The following BBS7 variants were observed in gnomAD, a reference collection of about 807,000 sequenced individuals.
BBS7 encodes Bardet-Biedl syndrome 7.
BBS7 carries 50 observed loss-of-function variants against 90.3 expected under a neutral mutation model. The ratio of observed to expected loss-of-function variants is 0.55; its 90% CI spans 0.44 to 0.70. The LOEUF (loss-of-function observed/expected upper bound fraction) is 0.70. Ranked by LOEUF, BBS7 falls within the 30% of genes least tolerant of loss-of-function variation. The pLI is 0.00. For synonymous variants in BBS7, 235 were observed against 287.4 expected (o/e 0.82, Z 1.85); for missense variants, 729 against 838.9 (o/e 0.87, Z 1.62).
chr4:121,840,026 A>T (rs1415114183), intron 12 of BBS7, among the ~76,000 whole-genome samples: 1 of 152,228 alleles, frequency 6.6e-6, no homozygotes, highest in Admixed American at 6.5e-5. Context: ...TTCTTCTAAA[A>T]ATCTGACAAT....
intron 12 of BBS7, among the ~76,000 whole-genome samples, chr4:121,840,282 C>T (rs564102104): frequency 1.3e-5 from 2 of 152,172 alleles, no homozygotes; most frequent in East Asian, 1.9e-4. Flanking sequence ...TTTCACCTTC[C>T]GCCATGATTG....
intron 5 of BBS7, 53 bp downstream of exon 5, chr4:121,858,939 T>C (rs1466672507): frequency 9.9e-6 from 15 of 1,518,364 alleles, no homozygotes; most frequent in African/African-American, 2.8e-5. Flanking sequence ...ATAATGTTCA[T>C]TGATATTCTT....
At chr4:121,858,524 C>T in intron 5 of BBS7, 1 of 156,246 alleles carries the variant, frequency 6.4e-6, no homozygotes, top group South Asian at 1.9e-4. Context: ...ATGAATTTTC[C>T]CTCTATCACT....
At chr4:121,861,435 G>T in intron 4 of BBS7, 69 bp downstream of exon 4, 1 of 1,395,898 alleles carries the variant, frequency 7.2e-7, no homozygotes, top group Non-Finnish European at 1.0e-6. Flanking sequence ...ATGATACTTA[G>T]TTGCCTCACA....
rs1177127256 is a variant in BBS7 at position 121,832,080 on chromosome 4, C to T, written c.1676+1151G>A. Among the ~76,000 whole-genome samples the T allele has an allele frequency of 4.0e-5, 6 of 151,534 alleles. No individual in the cohort carries two copies. In the South Asian group the frequency reaches 1.2e-3, roughly 32 times the overall value. On this transcript the variant is annotated intron_variant, in intron 15 of 18. Transcript: ENST00000264499. Reference sequence around the variant, plus strand: ...CCTACAGGCCAGGTGTGGTGGCTCACGCCTATAATCCCAGCACTTTAGGAG... The same window carrying T: ...CCTACAGGCCAGGTGTGGTGGCTCATGCCTATAATCCCAGCACTTTAGGAG...
At chr4:121,847,289 CTAAT>C (rs1213853636) in intron 10 of BBS7, 111 bp downstream of exon 10, 125 of 699,472 alleles carry the variant, frequency 1.8e-4, no homozygotes, top group Non-Finnish European at 2.7e-4. Context: ...AGGTGATAAA[CTAAT>C]TAATTACATA....
chr4:121,826,080 A>G, intron 18 of BBS7, 87 bp from the exon 19 acceptor site: 2 of 1,105,324 alleles, frequency 1.8e-6, no homozygotes, highest in Non-Finnish European at 2.6e-6. Flanking sequence ...TTGATAATCT[A>G]TTTTTAAGCA....
intron 13 of BBS7, among the ~76,000 whole-genome samples, chr4:121,838,447 G>A (rs1725569321): frequency 1.3e-5 from 2 of 151,084 alleles, no homozygotes; most frequent in Non-Finnish European, 2.9e-5. Flanking sequence ...TAGATAATAG[G>A]TCTATCAAAA....
At chr4:121,832,741 CT>C (rs1725261167) in intron 15 of BBS7, among the ~76,000 whole-genome samples, 1 of 152,164 alleles carries the variant, frequency 6.6e-6, no homozygotes, top group Non-Finnish European at 1.5e-5. Flanking sequence ...AGAAATTCAA[CT>C]GGAGTTTTTA....
At chr4:121,854,910 T>A in intron 6 of BBS7, 90 bp from the exon 7 acceptor site, 2 of 1,253,640 alleles carry the variant, frequency 1.6e-6, no homozygotes, top group African/African-American at 1.5e-5. Flanking sequence ...AATATCATTT[T>A]AAAAAGTACT....
At chr4:121,866,995 T>C (rs1469028052) in intron 2 of BBS7, among the ~76,000 whole-genome samples, 2 of 152,216 alleles carry the variant, frequency 1.3e-5, no homozygotes. Flanking sequence ...AGAGATTGCA[T>C]TGAATCTGTA....
At chr4:121,839,749 A>G in intron 12 of BBS7, 53 bp from the exon 13 acceptor site, 1 of 1,432,986 alleles carries the variant, frequency 7.0e-7, no homozygotes. Context: ...TTTAGCAACA[A>G]AAAAAAGACA....
Position 121,826,000 on chromosome 4 carries a change from A to C in BBS7, c.2015-7T>G. 1 of 1,587,166 alleles carries C rather than the reference A, an allele frequency of 6.3e-7. No homozygotes were observed. Among genetic ancestry groups the C allele is most frequent in the Non-Finnish European group, 8.6e-7 (1 of 1,158,304 alleles). ...AAAAGATCAGTGATCATGCCTTTAAAGAAAAAACATAAATTTCCTGTCAGT... is the reference window on the plus strand; with the variant it reads ...AAAAGATCAGTGATCATGCCTTTAACGAAAAAACATAAATTTCCTGTCAGT... On this transcript the variant is annotated splice_polypyrimidine_tract_variant and splice_region_variant and intron_variant, in intron 18 of 18. Transcript: ENST00000264499.
At chr4:121,843,818 G>T in intron 12 of BBS7, 109 bp downstream of exon 12, 1 of 780,830 alleles carries the variant, frequency 1.3e-6, no homozygotes, top group Non-Finnish European at 2.2e-6. Flanking sequence ...GGTTACATAA[G>T]AAATAATTGA....
chr4:121,828,217 C>G lies in BBS7; in HGVS notation c.1943G>C (p.Cys648Ser). 1 of 1,613,686 alleles carries G rather than the reference C, an allele frequency of 6.2e-7. No homozygotes were observed. The highest frequency in any genetic ancestry group is 8.5e-7 in the Non-Finnish European group (1 of 1,179,728). ...NTNFLIPEYHCILEEADHLQE... is the reference protein window; with the variant it reads ...NTNFLIPEYHSILEEADHLQE... ...TAGGTGATCTGCCTCTTCTAGAATA[C>G]AGTGATATTCTGGTATCAGAAAGTT... Residue 648 changes from cysteine to serine, a missense_variant, in exon 18 of 19, where the codon TGT (cysteine) becomes TCT (serine). Transcript: ENST00000264499.
intron 12 of BBS7, 65 bp from the exon 13 acceptor site, chr4:121,839,761 C>CAAT: frequency 7.4e-7 from 1 of 1,342,920 alleles, no homozygotes; most frequent in Non-Finnish European, 1.1e-6. Context: ...AAAAAGACAT[C>CAAT]AATAATAATA....
intron 1 of BBS7, among the ~76,000 whole-genome samples, chr4:121,869,756 C>G (rs956542708): frequency 1.3e-5 from 2 of 152,158 alleles, no homozygotes; most frequent in African/African-American, 4.8e-5. Flanking sequence ...CTAGGCTGGT[C>G]TCGAACTGCT....
chr4:121,833,056 T>G (rs1405294637), intron 15 of BBS7, among the ~76,000 whole-genome samples, 175 bp downstream of exon 15: 1 of 152,226 alleles, frequency 6.6e-6, no homozygotes, highest in African/African-American at 2.4e-5. Context: ...TCTTTGCATA[T>G]ACATCTTTAC....
intron 14 of BBS7, among the ~76,000 whole-genome samples, chr4:121,834,080 C>T (rs1349335489): frequency 1.3e-5 from 2 of 151,760 alleles, no homozygotes; most frequent in Non-Finnish European, 2.9e-5. Flanking sequence ...CAAAAGCACA[C>T]CCTAAAGTAA....
Sources: gnomAD v4.1 joint callset for allele counts (sites outside exome capture counted in the v4.1 genomes callset) on GRCh38, gnomAD v4.1.1 for gene constraint, MANE v1.5 for transcripts, NCBI Gene and HGNC (gene_info 2026-07-23, HGNC 2026-07-21) for gene names.